Variants in TRIM2 observed in about 807,000 individuals in gnomAD.
TRIM2 encodes the protein tripartite motif containing 2, also known as tripartite motif-containing protein 2.
Under a neutral mutation model 75.2 loss-of-function variants are expected in TRIM2, and 20 were observed. That is an observed-to-expected ratio of 0.27 (90% CI 0.19 to 0.39). The LOEUF (loss-of-function observed/expected upper bound fraction) is 0.39. Ranked by LOEUF, TRIM2 falls within the 10% of genes least tolerant of loss-of-function variation. The pLI is 1.00. For missense variants in TRIM2, 660 were observed against 990.8 expected, an observed-to-expected ratio of 0.67 and a Z score of 4.48; for synonymous variants, 373 against 388.3, an observed-to-expected ratio of 0.96 and a Z score of 0.46.
Position 153,290,876 on chromosome 4 carries a change from A to C in TRIM2, c.454-2106A>C, listed in dbSNP as rs1026010658. On this transcript the variant is annotated intron_variant, in intron 3 of 11. Transcript: ENST00000338700. ...ACCCCTGGCCTCAAGTGATCCTCCC[A>C]CCTTGGCCTTCCAAAGTGCTGGGAT... Among the ~76,000 whole-genome samples, 2 of 152,024 alleles carry C rather than the reference A, an allele frequency of 1.3e-5. No homozygotes were observed. The highest frequency in any genetic ancestry group is 6.5e-5 in the Admixed American group (1 of 15,268).
At chr4:153,205,849 T>G (rs375901283) in intron 1 of TRIM2, among the ~76,000 whole-genome samples, 1 of 152,194 alleles carries the variant, frequency 6.6e-6, no homozygotes, top group Admixed American at 6.5e-5. Context: ...CCAAGCAACA[T>G]GAATGCTTGA....
chr4:153,277,256 G>C (rs182226117), intron 3 of TRIM2, among the ~76,000 whole-genome samples: 1 of 152,222 alleles, frequency 6.6e-6, no homozygotes, highest in Non-Finnish European at 1.5e-5. Flanking sequence ...TTTATGTGGC[G>C]AGCTTATTCT....
intron 1 of TRIM2, among the ~76,000 whole-genome samples, chr4:153,189,375 T>C (rs1732952276): frequency 6.6e-6 from 1 of 152,194 alleles, no homozygotes; most frequent in Admixed American, 6.5e-5. Flanking sequence ...CTCTATCCTA[T>C]TTTAGGAGAG....
intron 1 of TRIM2, among the ~76,000 whole-genome samples, chr4:153,211,758 G>T (rs1030538223): frequency 2.6e-5 from 4 of 151,924 alleles, no homozygotes; most frequent in Admixed American, 2.0e-4. Flanking sequence ...CCAAAGTGCG[G>T]GATTACAGGC....
At chr4:153,160,795 G>C (rs1235306312) in intron 1 of TRIM2, among the ~76,000 whole-genome samples, 1 of 152,102 alleles carries the variant, frequency 6.6e-6, no homozygotes, top group Non-Finnish European at 1.5e-5. Flanking sequence ...AGAGACAAGG[G>C]TCTCTGTATG....
intron 1 of TRIM2, among the ~76,000 whole-genome samples, chr4:153,188,280 T>C (rs545479593): frequency 6.6e-6 from 1 of 152,214 alleles, no homozygotes; most frequent in Admixed American, 6.5e-5. Flanking sequence ...GGCAACATGG[T>C]GAAACGCCTT....
At position 153,244,599 on chromosome 4, in the gene TRIM2, TGGA is replaced by T. The variant is rs1488994939; in HGVS notation, c.31-25735_31-25733del. On this transcript the variant is annotated intron_variant, in intron 1 of 11. Coordinates refer to ENST00000338700, the MANE Select transcript of TRIM2 (RefSeq NM_015271.5). The stretch of plus-strand genomic sequence containing the variant: ...TGAAGATGTACAAAAATTTGATTCT[TGGA>T]ATGGATTTATAAGAAAGCTTTGCAT... 5.3e-5 allele frequency among the ~76,000 whole-genome samples: 8 copies of T among 151,586 alleles called. No individual in the cohort carries two copies. The Admixed American group carries it at 5.3e-4, about 10-fold the overall frequency.
intron 1 of TRIM2, among the ~76,000 whole-genome samples, chr4:153,265,428 C>T (rs897545995): frequency 6.6e-6 from 1 of 151,668 alleles, no homozygotes. Context: ...ACTGCAAGCT[C>T]TCCCTCCTGG....
chr4:153,261,571 T>A (rs1753600731), intron 1 of TRIM2, among the ~76,000 whole-genome samples: 1 of 152,234 alleles, frequency 6.6e-6, no homozygotes, highest in South Asian at 2.1e-4. Flanking sequence ...TGTGACCTCT[T>A]ACCCACAAAT....
chr4:153,329,760 C>T (rs1232843231), intron 11 of TRIM2, among the ~76,000 whole-genome samples: 2 of 151,800 alleles, frequency 1.3e-5, no homozygotes, highest in African/African-American at 2.4e-5. Context: ...TCGCTTGAAC[C>T]CAGGAGGAAG....
upstream of TRIM2, among the ~76,000 whole-genome samples, chr4:153,201,976 G>A (rs1466657014): frequency 6.6e-6 from 1 of 152,220 alleles, no homozygotes; most frequent in Non-Finnish European, 1.5e-5. Flanking sequence ...TGAAAGTATG[G>A]ATGTAACAGC....
intron 8 of TRIM2, among the ~76,000 whole-genome samples, chr4:153,317,575 G>A (rs546393347): frequency 1.3e-5 from 2 of 151,900 alleles, no homozygotes; most frequent in South Asian, 4.2e-4. Context: ...TGTGAACCCC[G>A]GGAGGCGGAG....
At chr4:153,201,594 G>A (rs1734373127), upstream of TRIM2, among the ~76,000 whole-genome samples, 1 of 152,044 alleles carries the variant, frequency 6.6e-6, no homozygotes, top group Non-Finnish European at 1.5e-5. Flanking sequence ...GGCCCAAGCA[G>A]GAAGATAGCT....
chr4:153,235,796 C>T (rs1262703229), intron 1 of TRIM2, among the ~76,000 whole-genome samples: 1 of 152,206 alleles, frequency 6.6e-6, no homozygotes, highest in Non-Finnish European at 1.5e-5. Flanking sequence ...ACCTTTTCCA[C>T]ACTTCTTCCT....
chr4:153,242,850 A>G, intron 1 of TRIM2, among the ~76,000 whole-genome samples: 1 of 152,290 alleles, frequency 6.6e-6, no homozygotes, highest in South Asian at 2.1e-4. Context: ...GCTGGGATCA[A>G]ATCACCTCCC....
upstream of TRIM2, among the ~76,000 whole-genome samples, chr4:153,204,166 A>G (rs1469923541): frequency 2.0e-5 from 3 of 152,216 alleles, no homozygotes; most frequent in African/African-American, 7.2e-5. Context: ...GCAGTCTACA[A>G]ACACTTTCCT....
chr4:153,322,990 C>T (rs1769345296), intron 9 of TRIM2, among the ~76,000 whole-genome samples, 174 bp downstream of exon 9: 1 of 152,140 alleles, frequency 6.6e-6, no homozygotes, highest in South Asian at 2.1e-4. Context: ...CCTTAGTCAC[C>T]GCCACCCACC....
At chr4:153,198,065 C>G (rs1486307622) in intron 1 of TRIM2, among the ~76,000 whole-genome samples, 3 of 151,990 alleles carry the variant, frequency 2.0e-5, no homozygotes, top group Non-Finnish European at 4.4e-5. Context: ...TATAAGCCAC[C>G]CAGCTTATGG....
chr4:153,199,390 C>T (rs1057444181), intron 1 of TRIM2, among the ~76,000 whole-genome samples: 1 of 152,154 alleles, frequency 6.6e-6, no homozygotes, highest in African/African-American at 2.4e-5. Flanking sequence ...AAGTAGGAAA[C>T]TCACTGAGAA....
Sources: allele counts gnomAD v4.1 joint callset (sites outside exome capture counted in the v4.1 genomes callset), GRCh38; gene constraint gnomAD v4.1.1; transcripts MANE v1.5; gene names NCBI Gene and HGNC (gene_info 2026-07-23, HGNC 2026-07-21).